The following DCHS1 variants were observed in gnomAD, a reference collection of about 807,000 sequenced individuals.
The protein encoded by DCHS1 is dachsous cadherin-related 1.
DCHS1 carries 78 observed loss-of-function variants against 213.9 expected under a neutral mutation model. The observed-to-expected ratio is 0.36, with a 90% CI of 0.30 to 0.44. DCHS1 has a LOEUF of 0.44. Ranked by LOEUF, DCHS1 falls within the 20% of genes least tolerant of loss-of-function variation. DCHS1 has a pLI of 1.00. For synonymous variants in DCHS1, 1,828 were observed against 1,873.7 expected (o/e 0.98, Z 0.63); for missense variants, 3,946 against 4,395.9 (o/e 0.90, Z 2.89).
Position 6,631,329 on chromosome 11 carries a change from T to C in DCHS1, c.3754A>G (p.Ile1252Val). Residue 1252 changes from isoleucine to valine, a missense_variant, in exon 8 of 21, where the codon ATC (isoleucine) becomes GTC (valine). This residue lies in a region of DCHS1 where 3,384 missense variants were observed against 3,780.1 expected (regional missense o/e 0.90). Transcript: ENST00000299441. ...KDPDEGENGT[I>V]LYTLTGPGSE... The stretch of plus-strand genomic sequence containing the variant: ...CCCATACCAGTTAGCGTGTACAAGA[T>C]GGTCCCATTCTCCCCCTCATCTGGA... 6.2e-7 allele frequency: 1 copy of C among 1,613,990 alleles called. No homozygotes were observed. Among genetic ancestry groups the C allele is most frequent in the South Asian group, 1.1e-5 (1 of 91,092 alleles).
At chr11:6,633,200 G>A in intron 5 of DCHS1, 144 bp from the exon 6 acceptor site, 2 of 1,171,944 alleles carry the variant, frequency 1.7e-6, no homozygotes, top group East Asian at 2.6e-5. Flanking sequence ...GGTTGGCAAA[G>A]AAGTTGGTTG....
In DCHS1 at chr11:6,622,931, T is replaced by C. The variant is rs1318732756; in HGVS notation, c.8745A>G (p.Thr2915=). 6.3e-7 allele frequency: 1 copy of C among 1,589,280 alleles called. No homozygotes were observed. Among genetic ancestry groups the C allele is most frequent in the African/African-American group, 1.3e-5 (1 of 74,394 alleles). The change falls in exon 21 of 21, where the codon ACA becomes ACG. Residue 2915 remains threonine (T), a synonymous_variant. Coordinates refer to ENST00000299441, the MANE Select transcript of DCHS1 (RefSeq NM_003737.4). The surrounding 1 kb of genome is among the most constrained non-coding windows in gnomAD (Gnocchi z 5.4). ...GGGTGATATCCACGGTCACAGGCACTGTGGCACTCCGGGAACCAGGCAGAG... is the reference window on the plus strand; with the variant it reads ...GGGTGATATCCACGGTCACAGGCACCGTGGCACTCCGGGAACCAGGCAGAG... ...RGPLPGSRSA[T]VPVTVDITHT...
Position 6,630,254 on chromosome 11 carries a change from C to T in DCHS1, c.4540G>A (p.Glu1514Lys). 6.5e-7 allele frequency: 1 copy of T among 1,544,126 alleles called. No homozygotes were observed. Among genetic ancestry groups the T allele is most frequent in the Non-Finnish European group, 8.7e-7 (1 of 1,148,256 alleles). ...ETTPALLLLVEATDRPANASR... is the reference protein window; with the variant it reads ...ETTPALLLLVKATDRPANASR... Reference sequence around the variant, plus strand: ...GCGTTGGCGGGCCGGTCGGTGGCTTCCACCAGCAGCAGCAGCGCGGGAGTG... The same window carrying T: ...GCGTTGGCGGGCCGGTCGGTGGCTTTCACCAGCAGCAGCAGCGCGGGAGTG... Residue 1514 changes from glutamate (E) to lysine (K), a missense_variant, in exon 10 of 21, where the codon GAA (glutamate) becomes AAA (lysine). Transcript: ENST00000299441.
chr11:6,650,924 G>T (rs527883526), intron 1 of DCHS1, among the ~76,000 whole-genome samples: 2 of 152,350 alleles, frequency 1.3e-5, no homozygotes, highest in African/African-American at 4.8e-5. Flanking sequence ...GGGAGTGGAA[G>T]TGTCTCCAGC....
intron 2 of DCHS1, among the ~76,000 whole-genome samples, chr11:6,636,597 C>T (rs543552784): frequency 3.3e-5 from 5 of 152,168 alleles, no homozygotes; most frequent in Non-Finnish European, 7.3e-5. Context: ...GCCTCAGCCT[C>T]CCGAGTAGCT....
rs567295192 is a variant in DCHS1, at chr11:6,645,711, C to G, written c.-120-3978G>C. 2.0e-5 allele frequency among the ~76,000 whole-genome samples: 3 copies of G among 152,284 alleles called. No homozygotes were observed. The South Asian group carries it at 6.2e-4, about 32-fold the overall frequency. On this transcript the variant is annotated intron_variant, in intron 1 of 20. Coordinates refer to ENST00000299441, the MANE Select transcript of DCHS1 (RefSeq NM_003737.4). ...TGTGAAAACAACTCCTTCTCTCAACCTGTGCTCCTACCACTGCAAACTCTT... is the reference window on the plus strand; with the variant it reads ...TGTGAAAACAACTCCTTCTCTCAACGTGTGCTCCTACCACTGCAAACTCTT...
At position 6,630,477 on chromosome 11, in the gene DCHS1, G is replaced by A. The variant is rs1368033610; in HGVS notation, c.4317C>T (p.Asp1439=). The A allele has an allele frequency of 2.0e-6, 3 of 1,532,348 alleles. No individual in the cohort carries two copies. Among genetic ancestry groups the A allele is most frequent in the African/African-American group, 1.4e-5 (1 of 70,874 alleles). The allele number at this position is 1,532,348 out of a possible 1,614,324, so 94.9% of individuals were successfully genotyped here. A position where few individuals can be genotyped will look rare whatever the true frequency, so the allele number is the denominator to read the frequency against. The change falls in exon 10 of 21, where the codon GAC becomes GAT. Residue 1439 remains aspartate (D), a synonymous_variant. Transcript: ENST00000299441. The stretch of plus-strand genomic sequence containing the variant: ...TCTCTGGCAGCGCCAGCGCCAGCGG[G>A]TCGCGCGCAAAGGCGGGCGCATGCT... The part of the protein sequence containing the change: ...ENEHAPAFAR[D]PLALALPENP...
Position 6,631,391 on chromosome 11 carries a change from G to C in DCHS1, c.3692C>G (p.Pro1231Arg), listed in dbSNP as rs1427581365. The C allele has an allele frequency of 6.2e-7, 1 of 1,613,870 alleles. No individual in the cohort carries two copies. The highest frequency in any genetic ancestry group is 1.7e-5 in the Admixed American group (1 of 60,014). The change falls in exon 8 of 21, where the codon CCT becomes CGT. Residue 1231 changes from proline to arginine, a missense_variant. Coordinates refer to ENST00000299441, the MANE Select transcript of DCHS1 (RefSeq NM_003737.4). ...CAGAGTCGTCACCAGTGTTCCCGGA[G>C]GCACGCGGTCTGGTACCTGTGGGAA... ...GLPIQVPDRV[P>R]PGTLVTTLQA...
Position 6,627,240 on chromosome 11 carries a change from A to G in DCHS1, c.5799T>C (p.Asp1933=). 1 of 1,613,380 alleles carries G rather than the reference A, an allele frequency of 6.2e-7. No individual in the cohort carries two copies. Among genetic ancestry groups the G allele is most frequent in the Non-Finnish European group, 8.5e-7 (1 of 1,179,866 alleles). The change falls in exon 14 of 21, where the codon GAT becomes GAC. Residue 1933 remains aspartate (D), a synonymous_variant. Coordinates refer to ENST00000299441, the MANE Select transcript of DCHS1 (RefSeq NM_003737.4). The surrounding 1 kb of genome is among the most constrained non-coding windows in gnomAD (Gnocchi z 5.4). The part of the protein sequence containing the change: ...PSYTFSVSAV[D]GAAAGPLSTT... ...TGCTTAGGGGCCCAGCAGCTGCACC[A>G]TCCACTGCACTCACAGAAAAGGTGT...
chr11:6,640,521 T>A lies in DCHS1; in HGVS notation c.1093A>T (p.Ile365Phe), dbSNP rs1483634431. ...ANDNQPSMTV[I>F]FLSADGSPQV... is the part of the protein sequence containing the mutation. Reference sequence around the variant, plus strand: ...GGGGAGCCATCTGCACTGAGAAAGATGACAGTCATGGAGGGCTGATTGTCA... The same window carrying A: ...GGGGAGCCATCTGCACTGAGAAAGAAGACAGTCATGGAGGGCTGATTGTCA... Residue 365 changes from isoleucine to phenylalanine, a missense_variant, in exon 2 of 21, where the codon ATC (isoleucine) becomes TTC (phenylalanine). Coordinates refer to ENST00000299441, the MANE Select transcript of DCHS1 (RefSeq NM_003737.4). This position sits in a 1 kb window ranked among gnomAD's most constrained non-coding sequence, Gnocchi z 6.5. The A allele has an allele frequency of 6.2e-7, 1 of 1,612,158 alleles. No individual in the cohort carries two copies.
intron 1 of DCHS1, among the ~76,000 whole-genome samples, chr11:6,642,342 T>C (rs1856091007): frequency 6.6e-6 from 1 of 152,190 alleles, no homozygotes; most frequent in Non-Finnish European, 1.5e-5. Flanking sequence ...ATAGAGCTTA[T>C]AGTCCAGGAG....
Position 6,641,292 on chromosome 11 carries a change from C to T in DCHS1, c.322G>A (p.Asp108Asn). The T allele has an allele frequency of 6.2e-7, 1 of 1,613,722 alleles. No individual in the cohort carries two copies. Among genetic ancestry groups the T allele is most frequent in the Non-Finnish European group, 8.5e-7 (1 of 1,179,902 alleles). The change falls in exon 2 of 21, where the codon GAC becomes AAC. Residue 108 changes from aspartate (D) to asparagine (N), a missense_variant. Asp to Asn is a conservative substitution (Grantham distance 23). Coordinates refer to ENST00000299441, the MANE Select transcript of DCHS1 (RefSeq NM_003737.4). This position sits in a 1 kb window ranked among gnomAD's most constrained non-coding sequence, Gnocchi z 7.1. ...SGVVRTARVL[D>N]REQRDRYRFT... Reference sequence around the variant, plus strand: ...CGGTAGCGGTCCCGCTGCTCACGGTCCAAGACACGGGCTGTACGGACGACC... The same window carrying T: ...CGGTAGCGGTCCCGCTGCTCACGGTTCAAGACACGGGCTGTACGGACGACC...
At position 6,630,804 on chromosome 11, in the gene DCHS1, C is replaced by T. The variant is rs1232697953; in HGVS notation, c.3990G>A (p.Ala1330=). ...CCGTCAGCACGACAGGCACTGGTGC[C>T]GCTGGGTCCCGCTCTGCGAGATCTG... ...PPPDLAERDP[A]APVPVVLTVT... is the part of the protein sequence containing the mutation. The change falls in exon 10 of 21, where the codon GCG becomes GCA. Residue 1330 remains alanine (A), a synonymous_variant. Coordinates refer to ENST00000299441, the MANE Select transcript of DCHS1 (RefSeq NM_003737.4). The T allele has an allele frequency of 1.3e-6, 2 of 1,541,602 alleles. No homozygotes were observed. The highest frequency in any genetic ancestry group is 1.8e-6 in the Non-Finnish European group (2 of 1,142,166).
At chr11:6,647,462 T>C (rs1009685101) in intron 1 of DCHS1, among the ~76,000 whole-genome samples, 1 of 152,160 alleles carries the variant, frequency 6.6e-6, no homozygotes, top group Non-Finnish European at 1.5e-5. Context: ...CGGGCCTGGC[T>C]CTGTCCCTCC....
intron 7 of DCHS1, 80 bp from the exon 8 acceptor site, chr11:6,631,487 C>A: frequency 6.3e-7 from 1 of 1,598,198 alleles, no homozygotes; most frequent in East Asian, 2.2e-5. Context: ...CACCTGTGGG[C>A]AGGCAGAACC....
intron 1 of DCHS1, among the ~76,000 whole-genome samples, chr11:6,647,099 A>C (rs1386929391): frequency 6.6e-6 from 1 of 152,104 alleles, no homozygotes; most frequent in Non-Finnish European, 1.5e-5. Flanking sequence ...GGCGCCACAA[A>C]AGGTAGATGG....
Position 6,624,215 on chromosome 11 carries a change from G to A in DCHS1, c.7461C>T (p.Tyr2487=). Residue 2487 remains tyrosine, a synonymous_variant, in exon 21 of 21, where the codon TAC becomes TAT. Coordinates refer to ENST00000299441, the MANE Select transcript of DCHS1 (RefSeq NM_003737.4). ...DHAPSFTLSH[Y]RVAVTEDLPP... is the part of the protein sequence containing the mutation. ...GCAGGTCTTCAGTCACAGCCACACG[G>A]TAGTGTGACAATGTGAAGCTCGGGG... 1 of 1,613,342 alleles carries A rather than the reference G, an allele frequency of 6.2e-7. No homozygotes were observed. Among genetic ancestry groups the A allele is most frequent in the Non-Finnish European group, 8.5e-7 (1 of 1,179,740 alleles).
rs1328540384 is a variant in DCHS1, at chr11:6,622,874, G to A, written c.8802C>T (p.Asn2934=). ...HTALGLAPDL[N]LLLVGAVAAS... is the part of the protein sequence containing the mutation. ...CTGCCACGGCCCCTACTAATAGCAG[G>A]TTGAGGTCAGGTGCCAGGCCCAGTG... The change falls in exon 21 of 21, where the codon AAC becomes AAT. Residue 2934 remains asparagine, a synonymous_variant. Transcript: ENST00000299441. The surrounding 1 kb of genome is among the most constrained non-coding windows in gnomAD (Gnocchi z 5.4). 3.8e-6 allele frequency: 6 copies of A among 1,596,748 alleles called. No homozygotes were observed. Among genetic ancestry groups the A allele is most frequent in the Non-Finnish European group, 5.1e-6 (6 of 1,171,902 alleles).
intron 1 of DCHS1, among the ~76,000 whole-genome samples, chr11:6,648,439 T>C (rs1227229059): frequency 6.6e-6 from 1 of 152,182 alleles, no homozygotes; most frequent in African/African-American, 2.4e-5. Flanking sequence ...ACACTAAATT[T>C]AGCAGTGAGG....
Sources: gnomAD v4.1 joint callset for allele counts (sites outside exome capture counted in the v4.1 genomes callset) on GRCh38, gnomAD v4.1.1 for gene constraint, gnomAD v4.1.1 regional missense constraint, Gnocchi (gnomAD v3.1) non-coding constraint, MANE v1.5 for transcripts, NCBI Gene and HGNC (gene_info 2026-07-23, HGNC 2026-07-21) for gene names.